PHLDB2: variants seen among roughly 807,000 people sequenced by gnomAD.
PHLDB2 encodes the protein pleckstrin homology like domain family B member 2, also known as pleckstrin homology-like domain family B member 2.
PHLDB2 carries 71 observed loss-of-function variants against 123.6 expected under a neutral mutation model. The ratio of observed to expected loss-of-function variants is 0.57; its 90% CI spans 0.47 to 0.70. The LOEUF is 0.70. PHLDB2 is among the 30% of genes least tolerant of loss of function. PHLDB2 has a pLI of 0.00. For missense variants in PHLDB2, 1,446 were observed against 1,519.5 expected, an observed-to-expected ratio of 0.95 and a Z score of 0.80; for synonymous variants, 547 against 541.6, an observed-to-expected ratio of 1.01 and a Z score of -0.14.
chr3:111,838,842 A>ACC (rs2063537121), intron 1 of PHLDB2, among the ~76,000 whole-genome samples: 1 of 152,226 alleles, frequency 6.6e-6, no homozygotes, highest in Non-Finnish European at 1.5e-5. Flanking sequence ...TGACCTAAGA[A>ACC]CAGATACACT....
intron 13 of PHLDB2, among the ~76,000 whole-genome samples, chr3:111,964,949 A>T (rs1349810815): frequency 6.6e-6 from 1 of 152,186 alleles, no homozygotes; most frequent in African/African-American, 2.4e-5. Flanking sequence ...GATATAAAAC[A>T]TACATATTTG....
At chr3:111,734,420 AT>A (rs1263577599) in intron 1 of PHLDB2, among the ~76,000 whole-genome samples, 1 of 151,986 alleles carries the variant, frequency 6.6e-6, no homozygotes, top group African/African-American at 2.4e-5. Context: ...TCTACAAAAA[AT>A]TTTTTTTAAA....
At chr3:111,737,944 G>A (rs1044697502) in intron 1 of PHLDB2, among the ~76,000 whole-genome samples, 11 of 152,134 alleles carry the variant, frequency 7.2e-5, no homozygotes, top group African/African-American at 2.7e-4. Flanking sequence ...TAGTATGTGA[G>A]CAGGCTTCAA....
rs560605444 is a variant in PHLDB2, at chr3:111,801,958, AT to A, written c.-48-43862del. Among the ~76,000 whole-genome samples the A allele has an allele frequency of 7.7e-4, 112 of 144,910 alleles. 1 individual carries two copies. The highest frequency in any genetic ancestry group is 3.5e-3 in the Middle Eastern group (1 of 282). The stretch of plus-strand genomic sequence containing the variant: ...CAGTGATGGTTGCACAACTTTGTGA[AT>A]GTAATCACAAATATCATCAAATTCT... On this transcript the variant is annotated intron_variant, in intron 1 of 17. Transcript: ENST00000393923.
At chr3:111,904,025 C>G (rs779460710) in intron 2 of PHLDB2, among the ~76,000 whole-genome samples, 17 of 152,096 alleles carry the variant, frequency 1.1e-4, no homozygotes, top group Admixed American at 1.0e-3. Context: ...ACCTGTAATC[C>G]CAGCACTTTT....
chr3:111,895,900 T>C (rs199573880), intron 2 of PHLDB2, among the ~76,000 whole-genome samples: 66 of 110,724 alleles, frequency 6.0e-4, no homozygotes, highest in Admixed American at 3.2e-3. Flanking sequence ...ATCTATCTAT[T>C]TATATGGAGA....
intron 1 of PHLDB2, among the ~76,000 whole-genome samples, chr3:111,834,183 ATTATATATG>A (rs1327540392): frequency 2.1e-3 from 225 of 107,358 alleles, no homozygotes; most frequent in African/African-American, 3.9e-3. Flanking sequence ...AATTATATAT[ATTATATATG>A]TAATAGAATT....
rs140182319 is a variant in PHLDB2, at chr3:111,832,438, T to G, written c.-48-13383T>G. Among the ~76,000 whole-genome samples, 12 of 151,450 alleles carry G rather than the reference T, an allele frequency of 7.9e-5. No individual in the cohort carries two copies. In the East Asian group the frequency reaches 2.3e-3, roughly 29 times the overall value. ...TACCAATTAATCAAAGTAAATCTTG[T>G]AAGACCACTCCATTCCCACATCCTT... On this transcript the variant is annotated intron_variant, in intron 1 of 17. Coordinates refer to the PHLDB2 transcript ENST00000393923.
intron 13 of PHLDB2, among the ~76,000 whole-genome samples, chr3:111,962,915 G>C (rs1228202261): frequency 8.2e-6 from 1 of 121,692 alleles, no homozygotes; most frequent in Admixed American, 9.8e-5. Context: ...GGCAACAAGA[G>C]TGAAACTCCA....
intron 1 of PHLDB2, among the ~76,000 whole-genome samples, chr3:111,879,859 T>A (rs2065850065): frequency 6.6e-6 from 1 of 152,158 alleles, no homozygotes; most frequent in Non-Finnish European, 1.5e-5. Context: ...TGTATCTTCT[T>A]CATCATCTGA....
intron 2 of PHLDB2, among the ~76,000 whole-genome samples, chr3:111,908,784 C>T (rs374887673): frequency 7.2e-5 from 11 of 152,274 alleles, no homozygotes; most frequent in African/African-American, 2.4e-4. Flanking sequence ...GACTTTGAGC[C>T]ATTGCTTCTG....
intron 1 of PHLDB2, among the ~76,000 whole-genome samples, chr3:111,823,152 G>A (rs11713593): frequency 0.21 from 31,350 of 152,180 alleles, 4,993 homozygotes; most frequent in African/African-American, 0.42. Flanking sequence ...GGGACCAGGA[G>A]GAAGTGGGAG....
At chr3:111,797,082 G>C (rs915373836) in intron 1 of PHLDB2, among the ~76,000 whole-genome samples, 1 of 152,044 alleles carries the variant, frequency 6.6e-6, no homozygotes, top group African/African-American at 2.4e-5. Context: ...TCATGTCTTA[G>C]CTAAATGTGA....
chr3:111,938,873 T>C (rs2069680627), intron 6 of PHLDB2, among the ~76,000 whole-genome samples: 1 of 152,152 alleles, frequency 6.6e-6, no homozygotes, highest in African/African-American at 2.4e-5. Flanking sequence ...TGGAGTGCAA[T>C]GGCACAATCT....
intron 1 of PHLDB2, among the ~76,000 whole-genome samples, chr3:111,776,335 A>G (rs910433939): frequency 6.6e-6 from 1 of 152,116 alleles, no homozygotes; most frequent in Non-Finnish European, 1.5e-5. Flanking sequence ...TTTCTTTAGG[A>G]CTGTGTATAG....
intron 1 of PHLDB2, among the ~76,000 whole-genome samples, chr3:111,798,201 G>A (rs6438014): frequency 0.2 from 30,805 of 151,914 alleles, 5,390 homozygotes; most frequent in African/African-American, 0.44. Flanking sequence ...GAACTTCTAA[G>A]ACCTTGGCCT....
intron 12 of PHLDB2, chr3:111,956,935 TA>T (rs1405576790): frequency 3.3e-5 from 5 of 152,240 alleles, no homozygotes; most frequent in African/African-American, 1.2e-4. Context: ...AACTCACATT[TA>T]GTAGACTTTA....
rs3082317 is a variant in PHLDB2, at chr3:111,839,940, C to CTTTTTTTT, written c.-48-5864_-48-5857dup. 1.4e-3 allele frequency among the ~76,000 whole-genome samples: 90 copies of CTTTTTTTT among 64,950 alleles called. 10 individuals are homozygous for CTTTTTTTT. The highest frequency in any genetic ancestry group is 3.4e-3 in the African/African-American group (51 of 15,172). 42.6% of individuals were successfully genotyped at this position (64,950 alleles called of 152,430 possible). ...TTTGTTTAAAAGCCCCCCACCCCCG[C>CTTTTTTTT]TTTTTTTTTTTTTTTTTTTTTTTTG... On this transcript the variant is annotated intron_variant, in intron 1 of 17. Coordinates refer to the PHLDB2 transcript ENST00000393923.
At chr3:111,964,986 A>G (rs1261928513) in intron 13 of PHLDB2, among the ~76,000 whole-genome samples, 1 of 152,204 alleles carries the variant, frequency 6.6e-6, no homozygotes, top group Admixed American at 6.6e-5. Flanking sequence ...TATAGAATAT[A>G]AATATAATTT....
Sources: gnomAD v4.1 joint callset for allele counts (sites outside exome capture counted in the v4.1 genomes callset) on GRCh38, gnomAD v4.1.1 for gene constraint, MANE v1.5 for transcripts, NCBI Gene and HGNC (gene_info 2026-07-23, HGNC 2026-07-21) for gene names.